WWOX: variants seen among roughly 807,000 people sequenced by gnomAD.
WWOX encodes WW domain containing oxidoreductase, also known as WW domain-containing oxidoreductase.
A neutral mutation model predicts 46.2 loss-of-function variants in WWOX; 69 were observed. The ratio of observed to expected loss-of-function variants is 1.49; its 90% CI spans 1.23 to 1.82. The LOEUF (loss-of-function observed/expected upper bound fraction) is 1.82. Ranked by LOEUF, WWOX falls within the 40% of genes most tolerant of loss-of-function variation. WWOX has a pLI of 0.00. For synonymous variants in WWOX, 359 were observed against 202.6 expected, an observed-to-expected ratio of 1.77 and a Z score of -6.56; for missense variants, 919 against 542.6, an observed-to-expected ratio of 1.69 and a Z score of -6.89.
intron 8 of WWOX, among the ~76,000 whole-genome samples, chr16:78,582,771 A>C (rs558598304): frequency 6.6e-6 from 1 of 152,126 alleles, no homozygotes; most frequent in African/African-American, 2.4e-5. Context: ...GCTCCCAGCT[A>C]CTTCCATCAG....
At chr16:78,936,106 A>G (rs1479192545) in intron 8 of WWOX, among the ~76,000 whole-genome samples, 1 of 152,094 alleles carries the variant, frequency 6.6e-6, no homozygotes, top group Non-Finnish European at 1.5e-5. Context: ...GAAAGGAAAG[A>G]AGGAGGTAAT....
At chr16:78,811,134 G>T (rs2051177610) in intron 8 of WWOX, among the ~76,000 whole-genome samples, 1 of 152,188 alleles carries the variant, frequency 6.6e-6, no homozygotes, top group Non-Finnish European at 1.5e-5. Flanking sequence ...TGATGAAAAA[G>T]TCTGAAGGGA....
intron 1 of WWOX, among the ~76,000 whole-genome samples, chr16:78,104,270 A>G (rs1280047985): frequency 6.9e-6 from 1 of 145,154 alleles, no homozygotes; most frequent in Non-Finnish European, 1.5e-5. Context: ...ACACACACAC[A>G]CTGGCTGTCC....
At chr16:79,070,128 A>G (rs562673883) in intron 8 of WWOX, among the ~76,000 whole-genome samples, 2 of 152,332 alleles carry the variant, frequency 1.3e-5, no homozygotes, top group South Asian at 4.1e-4. Context: ...TTGAAAGAGA[A>G]AAGTTAAGCT....
At chr16:79,133,302 G>T (rs939476419) in intron 8 of WWOX, among the ~76,000 whole-genome samples, 3 of 152,042 alleles carry the variant, frequency 2.0e-5, no homozygotes, top group African/African-American at 7.3e-5. Context: ...TCAATGAGAC[G>T]CCACTTAACA....
intron 8 of WWOX, among the ~76,000 whole-genome samples, chr16:78,705,741 C>T (rs1597468790): frequency 6.6e-6 from 1 of 152,232 alleles, no homozygotes; most frequent in South Asian, 2.1e-4. Context: ...TTGTGTAATG[C>T]TGTATGTACC....
chr16:78,636,073 A>G (rs2046560731), intron 8 of WWOX, among the ~76,000 whole-genome samples: 1 of 152,130 alleles, frequency 6.6e-6, no homozygotes, highest in South Asian at 2.1e-4. Context: ...CCTAGGAGAG[A>G]CATCTGCACT....
At chr16:78,817,172 C>CTTTT (rs33981779) in intron 8 of WWOX, among the ~76,000 whole-genome samples, 4,524 of 51,380 alleles carry the variant, frequency 0.088, 1,146 homozygotes, top group Non-Finnish European at 0.1. Context: ...TAGTGCTATT[C>CTTTT]TTTTTTTTTT....
chr16:78,762,765 G>A (rs2049825485), intron 8 of WWOX, among the ~76,000 whole-genome samples: 1 of 152,202 alleles, frequency 6.6e-6, no homozygotes, highest in African/African-American at 2.4e-5. Context: ...GCTGTGTATT[G>A]TGGGGCAAGT....
In WWOX at chr16:78,538,601, G is replaced by C. The variant is rs550223684; in HGVS notation, c.1056+105849G>C. The stretch of plus-strand genomic sequence containing the variant: ...TCTGTTCTCTGAGAGAATTGCTCAA[G>C]CTGCAGTTTATCATTATATGCCTCC... On this transcript the variant is annotated intron_variant, in intron 8 of 8. Coordinates refer to ENST00000566780, the MANE Select transcript of WWOX (RefSeq NM_016373.4). 6.6e-5 allele frequency among the ~76,000 whole-genome samples: 10 copies of C among 152,278 alleles called. No individual in the cohort carries two copies. In the South Asian group the frequency reaches 2.1e-3, roughly 32 times the overall value.
intron 5 of WWOX, among the ~76,000 whole-genome samples, chr16:78,165,408 C>T (rs1445734114): frequency 6.6e-6 from 1 of 152,170 alleles, no homozygotes; most frequent in African/African-American, 2.4e-5. Context: ...TTAATGTAAA[C>T]TTGAAAAAGC....
At chr16:79,043,803 C>G (rs993624353) in intron 8 of WWOX, among the ~76,000 whole-genome samples, 1 of 152,140 alleles carries the variant, frequency 6.6e-6, no homozygotes, top group Non-Finnish European at 1.5e-5. Flanking sequence ...GATCTCTTCT[C>G]TGCTAGCTTT....
chr16:79,147,046 C>T (rs746175028), intron 8 of WWOX, among the ~76,000 whole-genome samples: 4 of 152,202 alleles, frequency 2.6e-5, no homozygotes, highest in African/African-American at 9.7e-5. Context: ...ACAGTGTTGA[C>T]ACTTACAGAA....
chr16:78,777,284 C>G (rs902239510), intron 8 of WWOX, among the ~76,000 whole-genome samples: 1 of 152,068 alleles, frequency 6.6e-6, no homozygotes, highest in Non-Finnish European at 1.5e-5. Flanking sequence ...TGCCATCCAA[C>G]AGGAATTTGT....
chr16:78,584,471 C>T (rs575494867), intron 8 of WWOX, among the ~76,000 whole-genome samples: 1 of 152,156 alleles, frequency 6.6e-6, no homozygotes, highest in Non-Finnish European at 1.5e-5. Context: ...TTCCCATGTG[C>T]TGAGTTTGCT....
At chr16:78,964,046 G>C (rs1170968821) in intron 8 of WWOX, among the ~76,000 whole-genome samples, 1 of 152,212 alleles carries the variant, frequency 6.6e-6, no homozygotes. Flanking sequence ...ATGTAGAACT[G>C]TAAGCCTGAT....
At chr16:78,467,948 G>A (rs1019298351) in intron 8 of WWOX, among the ~76,000 whole-genome samples, 1 of 152,094 alleles carries the variant, frequency 6.6e-6, no homozygotes, top group Non-Finnish European at 1.5e-5. Flanking sequence ...TTGTCTTTTT[G>A]TGTGTTTCTG....
chr16:79,151,360 C>T (rs1463607296), intron 8 of WWOX, among the ~76,000 whole-genome samples: 2 of 152,126 alleles, frequency 1.3e-5, no homozygotes, highest in Non-Finnish European at 2.9e-5. Context: ...TGTGTGGATT[C>T]CCCCAAATCC....
At chr16:78,333,043 C>CTTTTTTATTTTTTTTTTTTTTTTT (rs2080798014) in intron 5 of WWOX, among the ~76,000 whole-genome samples, 1 of 57,094 alleles carries the variant, frequency 1.8e-5, no homozygotes, top group Non-Finnish European at 3.8e-5. Context: ...GAGCATTATA[C>CTTTTTTATTTTTTTTTTTTTTTTT]TTTTTTTTTT....
Sources: gnomAD v4.1 joint callset for allele counts (sites outside exome capture counted in the v4.1 genomes callset) on GRCh38, gnomAD v4.1.1 for gene constraint, MANE v1.5 for transcripts, NCBI Gene and HGNC (gene_info 2026-07-23, HGNC 2026-07-21) for gene names.